NUDT4: variants seen among roughly 807,000 people sequenced by gnomAD.
NUDT4 encodes the protein nudix hydrolase 4.
In NUDT4, 5 loss-of-function variants were observed where a neutral mutation model predicts 23.1. That is an observed-to-expected ratio of 0.22 (90% CI 0.11 to 0.46). The LOEUF (loss-of-function observed/expected upper bound fraction) is 0.46, where lower values mean the gene tolerates loss of function less well. Among genes scored for constraint, NUDT4 ranks in the 20% least tolerant of loss-of-function variants. NUDT4 has a pLI of 0.99. For missense variants in NUDT4, 96 were observed against 211.6 expected, an observed-to-expected ratio of 0.45 and a Z score of 3.39; for synonymous variants, 50 against 79.0, an observed-to-expected ratio of 0.63 and a Z score of 1.95.
chr12:93,394,973 C>T (rs61934276), intron 2 of NUDT4, among the ~76,000 whole-genome samples: 21 of 152,076 alleles, frequency 1.4e-4, no homozygotes, highest in Non-Finnish European at 2.9e-4. Flanking sequence ...TTCAGCCTCC[C>T]GAGTAGCTGG....
chr12:93,378,558 C>A (rs1162765048), intron 1 of NUDT4, 137 bp downstream of exon 1: 2 of 1,310,000 alleles, frequency 1.5e-6, no homozygotes, highest in African/African-American at 3.1e-5. Context: ...TCCTTTCCTC[C>A]CTCACTCCTT....
rs1478835883 is a variant in NUDT4 at position 93,405,258 on chromosome 12, C to T, written c.*5879C>T. 5 of 152,102 alleles carry T rather than the reference C, an allele frequency of 3.3e-5. No individual in the cohort carries two copies. The highest frequency in any genetic ancestry group is 5.9e-5 in the Non-Finnish European group (4 of 68,026). The allele number at this position is 152,102 out of a possible 1,614,324, so 9.4% of individuals were successfully genotyped here. Reference sequence around the variant, plus strand: ...GGTTATAATAAAACTTAAGAACTATCGATATTTACTAATCTACATCATGGA... The same window carrying T: ...GGTTATAATAAAACTTAAGAACTATTGATATTTACTAATCTACATCATGGA... On this transcript the variant is annotated 3_prime_UTR_variant, in exon 5 of 5. Coordinates refer to ENST00000415493, the MANE Select transcript of NUDT4 (RefSeq NM_019094.6).
chr12:93,405,413 AC>A lies in NUDT4; in HGVS notation c.*6036del, dbSNP rs1373760800. On this transcript the variant is annotated 3_prime_UTR_variant, in exon 5 of 5. Coordinates refer to ENST00000415493, the MANE Select transcript of NUDT4 (RefSeq NM_019094.6). Reference sequence around the variant, plus strand: ...GTATCAAGTCTATGTTCATACACTTACCAGTGCCACCCAGCAGGGCCATACA... The same window carrying A: ...GTATCAAGTCTATGTTCATACACTTACAGTGCCACCCAGCAGGGCCATACA... 6.6e-6 allele frequency: 1 copy of A among 152,236 alleles called. No individual in the cohort carries two copies. Among genetic ancestry groups the A allele is most frequent in the African/African-American group, 2.4e-5 (1 of 41,458 alleles). The allele number at this position is 152,236 out of a possible 1,614,324, so 9.4% of individuals were successfully genotyped here.
chr12:93,402,188 T>A lies in NUDT4; in HGVS notation c.*2809T>A, dbSNP rs1485517573. 2.0e-5 allele frequency: 3 copies of A among 152,152 alleles called. No individual in the cohort carries two copies. The highest frequency in any genetic ancestry group is 4.8e-5 in the African/African-American group (2 of 41,442). 9.4% of individuals were successfully genotyped at this position (152,152 alleles called of 1,614,324 possible). Reference sequence around the variant, plus strand: ...AAAAATGATTGTTGTATACACTGAATTGCTTTGCATGGTCTCATTTGAGAT... The same window carrying A: ...AAAAATGATTGTTGTATACACTGAAATGCTTTGCATGGTCTCATTTGAGAT... On this transcript the variant is annotated 3_prime_UTR_variant, in exon 5 of 5. Transcript: ENST00000415493.
intron 2 of NUDT4, among the ~76,000 whole-genome samples, chr12:93,395,059 G>T (rs1379765060): frequency 6.6e-6 from 1 of 152,086 alleles, no homozygotes; most frequent in Non-Finnish European, 1.5e-5. Context: ...ATGTTGGCCA[G>T]ACTGGTCTCA....
chr12:93,404,161 TTATC>T lies in NUDT4; in HGVS notation c.*4783_*4786del, dbSNP rs1191547055. 1.3e-5 allele frequency: 2 copies of T among 152,208 alleles called. No homozygotes were observed. The highest frequency in any genetic ancestry group is 2.9e-5 in the Non-Finnish European group (2 of 68,034). The allele number at this position is 152,208 out of a possible 1,614,324, so 9.4% of individuals were successfully genotyped here. ...AGTACTTTCATTTGGCCATCATTAT[TTATC>T]AACCTTAAGAAACATGCCTATTGAC... On this transcript the variant is annotated 3_prime_UTR_variant, in exon 5 of 5. Transcript: ENST00000415493.
In NUDT4 at chr12:93,395,481, T is replaced by C. The variant is rs945552658; in HGVS notation, c.211-8T>C. On this transcript the variant is annotated splice_region_variant and splice_polypyrimidine_tract_variant and intron_variant, in intron 2 of 4. Coordinates refer to ENST00000415493, the MANE Select transcript of NUDT4 (RefSeq NM_019094.6). Reference sequence around the variant, plus strand: ...GTAAACATTTTATATTTCATCTTTTTTTAATAGGCTGGAGTCAAAGGAAAA... The same window carrying C: ...GTAAACATTTTATATTTCATCTTTTCTTAATAGGCTGGAGTCAAAGGAAAA... 1.9e-6 allele frequency: 3 copies of C among 1,596,040 alleles called. No individual in the cohort carries two copies. The African/African-American group carries it at 4.0e-5, about 21-fold the overall frequency.
intron 1 of NUDT4, among the ~76,000 whole-genome samples, chr12:93,382,644 C>A (rs1373537689): frequency 1.4e-5 from 2 of 145,868 alleles, no homozygotes; most frequent in African/African-American, 5.1e-5. Flanking sequence ...AGACCACTTT[C>A]ATCAAAAATA....
Position 93,403,455 on chromosome 12 carries a change from A to G in NUDT4, c.*4076A>G, listed in dbSNP as rs1877615620. On this transcript the variant is annotated 3_prime_UTR_variant, in exon 5 of 5. Transcript: ENST00000415493. ...TGCCTCATCCTCCCGAGGAGCTGGG[A>G]TCACAGGCGCCTGCCACCACGCCCG... The G allele has an allele frequency of 6.6e-6, 1 of 152,236 alleles. No homozygotes were observed. Among genetic ancestry groups the G allele is most frequent in the African/African-American group, 2.4e-5 (1 of 41,422 alleles). The allele number at this position is 152,236 out of a possible 1,614,324, so 9.4% of individuals were successfully genotyped here.
intron 1 of NUDT4, among the ~76,000 whole-genome samples, chr12:93,383,079 T>C (rs926257300): frequency 2.0e-5 from 3 of 151,548 alleles, no homozygotes; most frequent in Non-Finnish European, 4.4e-5. Flanking sequence ...ATTGGATTTT[T>C]TTTTTTTTTC....
rs1218132990 is a variant in NUDT4, at chr12:93,401,353, A to AAC, written c.*1975_*1976insCA. ...AGATTTTTTTGGTCAGTAATCTCTG[A>AAC]AATTTCCTTAAATTATATACTTAAC... On this transcript the variant is annotated 3_prime_UTR_variant, in exon 5 of 5. Coordinates refer to ENST00000415493, the MANE Select transcript of NUDT4 (RefSeq NM_019094.6). 3.4e-5 allele frequency: 5 copies of AAC among 148,616 alleles called. No homozygotes were observed. Among genetic ancestry groups the AAC allele is most frequent in the African/African-American group, 1.2e-4 (5 of 40,644 alleles). The allele number at this position is 148,616 out of a possible 1,614,324, so 9.2% of individuals were successfully genotyped here.
Position 93,394,622 on chromosome 12 carries a change from G to T in NUDT4, c.113G>T (p.Ser38Ile). 1 of 1,548,812 alleles carries T rather than the reference G, an allele frequency of 6.5e-7. No homozygotes were observed. The highest frequency in any genetic ancestry group is 8.7e-7 in the Non-Finnish European group (1 of 1,143,836). The change falls in exon 2 of 5, where the codon AGT becomes ATT. Residue 38 changes from serine to isoleucine, a missense_variant. Coordinates refer to ENST00000415493, the MANE Select transcript of NUDT4 (RefSeq NM_019094.6). ...TTCACCTTACAGGTGCTGCTGGTGA[G>T]TAGCAGCCGGTACCCAGACCAGTGG... ...SEQEDEVLLV[S>I]SSRYPDQWIV...
intron 3 of NUDT4, among the ~76,000 whole-genome samples, chr12:93,397,427 C>T (rs562318466): frequency 2.0e-5 from 3 of 152,186 alleles, no homozygotes; most frequent in South Asian, 4.1e-4. Context: ...TATCTAAAGT[C>T]GTGGACTATG....
intron 1 of NUDT4, among the ~76,000 whole-genome samples, chr12:93,390,608 C>A (rs1413033954): frequency 6.6e-6 from 1 of 151,744 alleles, no homozygotes; most frequent in South Asian, 2.1e-4. Flanking sequence ...ATGTAATAAC[C>A]CCCCCTCCCT....
At chr12:93,399,076 A>G in intron 4 of NUDT4, 101 bp from the exon 5 acceptor site, 1 of 833,156 alleles carries the variant, frequency 1.2e-6, no homozygotes, top group Non-Finnish European at 2.0e-6. Flanking sequence ...TCCCCAACAT[A>G]TTGTTGTCTA....
chr12:93,382,956 C>A (rs995055706), intron 1 of NUDT4, among the ~76,000 whole-genome samples: 1 of 152,112 alleles, frequency 6.6e-6, no homozygotes, highest in Non-Finnish European at 1.5e-5. Context: ...CCACTGCACC[C>A]GGCTTGGAAG....
chr12:93,380,552 AGAGT>A (rs2120845961), intron 1 of NUDT4, among the ~76,000 whole-genome samples: 1 of 152,334 alleles, frequency 6.6e-6, no homozygotes, highest in South Asian at 2.1e-4. Flanking sequence ...AGAATTGAAG[AGAGT>A]GAGTCATCTT....
At chr12:93,383,522 A>G (rs2120868987) in intron 1 of NUDT4, among the ~76,000 whole-genome samples, 1 of 152,364 alleles carries the variant, frequency 6.6e-6, no homozygotes, top group South Asian at 2.1e-4. Flanking sequence ...GAAAGAAAGA[A>G]TAGCAACCTC....
At chr12:93,399,116 A>C (rs1299959474) in intron 4 of NUDT4, 61 bp from the exon 5 acceptor site, 2 of 1,238,264 alleles carry the variant, frequency 1.6e-6, no homozygotes, top group Non-Finnish European at 2.4e-6. Context: ...AGTGGACATT[A>C]CTTATATGGC....
Sources: gnomAD v4.1 joint callset for allele counts (sites outside exome capture counted in the v4.1 genomes callset) on GRCh38, gnomAD v4.1.1 for gene constraint, MANE v1.5 for transcripts, NCBI Gene and HGNC (gene_info 2026-07-23, HGNC 2026-07-21) for gene names.